The following AGAP1 variants were observed in gnomAD, a reference collection of about 807,000 sequenced individuals.
AGAP1 encodes the protein arf-GAP with GTPase, ANK repeat and PH domain-containing protein 1.
AGAP1 carries 29 observed loss-of-function variants against 105.3 expected under a neutral mutation model. The ratio of observed to expected loss-of-function variants is 0.28; its 90% CI spans 0.21 to 0.38. The LOEUF is 0.38. Ranked by LOEUF, AGAP1 falls within the 10% of genes least tolerant of loss-of-function variation. AGAP1 has a pLI of 1.00. For synonymous variants in AGAP1, 509 were observed against 485.9 expected, an observed-to-expected ratio of 1.05 and a Z score of -0.63; for missense variants, 998 against 1,165.1, an observed-to-expected ratio of 0.86 and a Z score of 2.09.
At position 235,807,367 on chromosome 2, in the gene AGAP1, G is replaced by A. The variant is rs185557882; in HGVS notation, c.1050+36G>A. On this transcript the variant is annotated intron_variant, in intron 9 of 17. Transcript: ENST00000304032. ...TCCCCATCCTTCCCTCCCTGTCGCC[G>A]GAGATACACCTCAGGTCTTCCTGGA... The A allele has an allele frequency of 2.5e-4, 391 of 1,548,632 alleles. 1 individual carries two copies. The African/African-American group carries it at 2.7e-3, about 11-fold the overall frequency.
At position 235,730,320 on chromosome 2, in the gene AGAP1, C is replaced by T. The variant is rs182019872; in HGVS notation, c.311-10643C>T. Among the ~76,000 whole-genome samples, 934 of 152,138 alleles carry T rather than the reference C, an allele frequency of 6.1e-3. 22 individuals are homozygous for T. The highest frequency in any genetic ancestry group is 0.031 in the South Asian group (150 of 4,820). ...TCCCCTGCTTGGCACTCTGCTGTCC[C>T]ACTTGCTTCCTGCCCTCTCTGGATT... is the stretch of plus-strand genomic sequence containing the variant. On this transcript the variant is annotated intron_variant, in intron 3 of 17. Transcript: ENST00000304032.
intron 16 of AGAP1, among the ~76,000 whole-genome samples, chr2:236,103,882 T>A (rs1047298529): frequency 3.9e-5 from 6 of 152,198 alleles, no homozygotes; most frequent in Non-Finnish European, 7.3e-5. Flanking sequence ...GGGCCCCTTC[T>A]AGGCACCCCG....
chr2:235,554,734 A>G (rs1050906813), intron 1 of AGAP1, among the ~76,000 whole-genome samples: 3 of 152,058 alleles, frequency 2.0e-5, no homozygotes, highest in Admixed American at 6.6e-5. Context: ...GCTGGAGTGC[A>G]GTGGCGCAGT....
chr2:235,713,940 G>C (rs1559386118), intron 2 of AGAP1, among the ~76,000 whole-genome samples: 5 of 152,142 alleles, frequency 3.3e-5, no homozygotes, highest in Admixed American at 3.3e-4. Flanking sequence ...GCGCTAATCT[G>C]CTCCCACAAC....
chr2:235,615,568 A>G lies in AGAP1; in HGVS notation c.164-93611A>G, dbSNP rs950119306. Among the ~76,000 whole-genome samples, 1 of 152,204 alleles carries G rather than the reference A, an allele frequency of 6.6e-6. No individual in the cohort carries two copies. Among genetic ancestry groups the G allele is most frequent in the Non-Finnish European group, 1.5e-5 (1 of 68,038 alleles). On this transcript the variant is annotated intron_variant, in intron 1 of 17. Transcript: ENST00000304032. The surrounding 1 kb of genome is among the most constrained non-coding windows in gnomAD (Gnocchi z 5.0). ...CTGAGCCATTGCAACCTATTTTTTAATGCCAAGAGAAAGTATTTTAAGGAA... is the reference window on the plus strand; with the variant it reads ...CTGAGCCATTGCAACCTATTTTTTAGTGCCAAGAGAAAGTATTTTAAGGAA...
At chr2:235,629,925 C>T (rs1166019937) in intron 1 of AGAP1, among the ~76,000 whole-genome samples, 7 of 149,942 alleles carry the variant, frequency 4.7e-5, no homozygotes. Flanking sequence ...CATGAATAGA[C>T]TTCATGACAG....
chr2:235,732,504 G>A lies in AGAP1; in HGVS notation c.311-8459G>A, dbSNP rs1008894180. On this transcript the variant is annotated intron_variant, in intron 3 of 17. Coordinates refer to ENST00000304032, the MANE Select transcript of AGAP1 (RefSeq NM_001037131.3). This position sits in a 1 kb window ranked among gnomAD's most constrained non-coding sequence, Gnocchi z 4.8. ...CTTAAGTCACACTGGAGTGGGAAGC[G>A]GTTGTAAGGGACTTCCTTCTGCTTT... Among the ~76,000 whole-genome samples the A allele has an allele frequency of 4.6e-5, 7 of 152,074 alleles. No homozygotes were observed. The highest frequency in any genetic ancestry group is 1.0e-4 in the Non-Finnish European group (7 of 68,040).
At chr2:235,756,278 G>A (rs1234766371) in intron 6 of AGAP1, among the ~76,000 whole-genome samples, 3 of 152,136 alleles carry the variant, frequency 2.0e-5, no homozygotes, top group East Asian at 1.9e-4. Context: ...CTGTTCAATC[G>A]GGGAGACAGG....
chr2:236,025,908 G>GTGGGTGGA (rs547504974), intron 13 of AGAP1, among the ~76,000 whole-genome samples: 1 of 100,314 alleles, frequency 1.0e-5, no homozygotes. Context: ...TCTCGGGTGG[G>GTGGGTGGA]TGGATGGATG....
chr2:236,088,502 G>A (rs1416383771), intron 16 of AGAP1, among the ~76,000 whole-genome samples: 4 of 152,174 alleles, frequency 2.6e-5, no homozygotes, highest in Non-Finnish European at 5.9e-5. Flanking sequence ...GTGATAGCTA[G>A]TGGGTGATAG....
chr2:235,528,365 C>CCCCCG (rs1333315146), intron 1 of AGAP1, among the ~76,000 whole-genome samples: 2 of 147,914 alleles, frequency 1.4e-5, no homozygotes, highest in African/African-American at 5.0e-5. Flanking sequence ...CCCTCCCCCG[C>CCCCCG]CCCCTCCCCT....
rs2056549041 is a variant in AGAP1, at chr2:236,012,496, A to G, written c.1646-24065A>G. ...TGCCTGGGGCCCCTGGTACATACCCATCAAGCATTTCTAAAGCAAACATTT... is the reference window on the plus strand; with the variant it reads ...TGCCTGGGGCCCCTGGTACATACCCGTCAAGCATTTCTAAAGCAAACATTT... On this transcript the variant is annotated intron_variant, in intron 13 of 17. Transcript: ENST00000304032. This position sits in a 1 kb window ranked among gnomAD's most constrained non-coding sequence, Gnocchi z 4.9. 6.6e-6 allele frequency among the ~76,000 whole-genome samples: 1 copy of G among 152,086 alleles called. No individual in the cohort carries two copies. Among genetic ancestry groups the G allele is most frequent in the Non-Finnish European group, 1.5e-5 (1 of 68,000 alleles).
At chr2:235,898,136 C>G (rs2050895075) in intron 10 of AGAP1, among the ~76,000 whole-genome samples, 1 of 152,198 alleles carries the variant, frequency 6.6e-6, no homozygotes, top group Admixed American at 6.5e-5. Context: ...TGAACCATGT[C>G]TTATTTAGGT....
chr2:235,525,477 A>G (rs564796915), intron 1 of AGAP1, among the ~76,000 whole-genome samples: 16 of 151,740 alleles, frequency 1.1e-4, no homozygotes, highest in Non-Finnish European at 2.1e-4. Flanking sequence ...GAGGACTGAT[A>G]CATAACGTGG....
Position 235,599,539 on chromosome 2 carries a change from G to GC in AGAP1, c.163+104695dup, listed in dbSNP as rs939153574. Among the ~76,000 whole-genome samples the GC allele has an allele frequency of 1.3e-5, 2 of 152,240 alleles. No homozygotes were observed. Among genetic ancestry groups the GC allele is most frequent in the Non-Finnish European group, 2.9e-5 (2 of 68,026 alleles). ...AGCCACAAAAATAAGTTTATAAAAA[G>GC]CCCCCACCAAGTCAGGATTTGTCCA... is the stretch of plus-strand genomic sequence containing the variant. On this transcript the variant is annotated intron_variant, in intron 1 of 17. Transcript: ENST00000304032. The surrounding 1 kb of genome is among the most constrained non-coding windows in gnomAD (Gnocchi z 5.3).
chr2:235,730,623 G>A (rs558237027), intron 3 of AGAP1, among the ~76,000 whole-genome samples: 2 of 152,036 alleles, frequency 1.3e-5, no homozygotes, highest in Non-Finnish European at 2.9e-5. Context: ...TGGTATTACA[G>A]GTGTGAGCTA....
intron 1 of AGAP1, among the ~76,000 whole-genome samples, chr2:235,686,657 ATATATATATTTT>A (rs1949453136): frequency 1.5e-4 from 8 of 54,244 alleles, no homozygotes; most frequent in African/African-American, 1.1e-3. Flanking sequence ...ATATATATAT[ATATATATATTTT>A]TTTTTTTTTT....
intron 13 of AGAP1, among the ~76,000 whole-genome samples, chr2:235,984,130 A>G (rs751259480): frequency 6.6e-6 from 1 of 152,190 alleles, no homozygotes; most frequent in Non-Finnish European, 1.5e-5. Flanking sequence ...CCTCATCTGG[A>G]TATTTCATAT....
At chr2:236,097,074 C>T (rs528682996) in intron 16 of AGAP1, among the ~76,000 whole-genome samples, 1 of 152,242 alleles carries the variant, frequency 6.6e-6, no homozygotes, top group Non-Finnish European at 1.5e-5. Flanking sequence ...TCAAGTGAAA[C>T]CTATTTCCTC....
Sources: gnomAD v4.1 joint callset for allele counts (sites outside exome capture counted in the v4.1 genomes callset) on GRCh38, gnomAD v4.1.1 for gene constraint, Gnocchi (gnomAD v3.1) non-coding constraint, MANE v1.5 for transcripts, NCBI Gene and HGNC (gene_info 2026-07-23, HGNC 2026-07-21) for gene names.